EYA3: variants seen among roughly 807,000 people sequenced by gnomAD.
The protein encoded by EYA3 is protein phosphatase EYA3.
EYA3 carries 39 observed loss-of-function variants against 80.0 expected under a neutral mutation model. The observed-to-expected ratio is 0.49, with a 90% CI of 0.38 to 0.64. The LOEUF (loss-of-function observed/expected upper bound fraction) is 0.64. EYA3 is among the 30% of genes least tolerant of loss of function. The probability of loss-of-function intolerance (pLI) is 0.00; values close to 1 mark genes in which losing one functional copy is unlikely to be tolerated. For synonymous variants in EYA3, 206 were observed against 232.8 expected (o/e 0.88, Z 1.05); for missense variants, 523 against 676.1 (o/e 0.77, Z 2.51).
In EYA3 at chr1:28,013,994, C is replaced by T. The variant is rs1432948526; in HGVS notation, c.586-700G>A. On this transcript the variant is annotated intron_variant, in intron 8 of 17. Coordinates refer to ENST00000373871, the MANE Select transcript of EYA3 (RefSeq NM_001990.4). This position sits in a 1 kb window ranked among gnomAD's most constrained non-coding sequence, Gnocchi z 4.0. Reference sequence around the variant, plus strand: ...ACAAGAATCGCTTGAACCTGGAAAGCGGAGGTTGCAGTGAGCCGAGATTGC... The same window carrying T: ...ACAAGAATCGCTTGAACCTGGAAAGTGGAGGTTGCAGTGAGCCGAGATTGC... Among the ~76,000 whole-genome samples the T allele has an allele frequency of 6.6e-6, 1 of 152,230 alleles. No individual in the cohort carries two copies. Among genetic ancestry groups the T allele is most frequent in the Non-Finnish European group, 1.5e-5 (1 of 68,022 alleles).
rs116237467 is a variant in EYA3, at chr1:27,979,452, G to A, written c.1541-978C>T. On this transcript the variant is annotated intron_variant, in intron 16 of 17. Coordinates refer to ENST00000373871, the MANE Select transcript of EYA3 (RefSeq NM_001990.4). ...ACCAAGATACTGCATCACTGAAATT[G>A]ACCTTGGGAAATGGGTGATTTAAAT... Among the ~76,000 whole-genome samples, 1,066 of 152,242 alleles carry A rather than the reference G, an allele frequency of 7.0e-3. 13 individuals carry two copies. Among genetic ancestry groups the A allele is most frequent in the Non-Finnish European group, 0.01 (714 of 68,018 alleles).
At chr1:28,076,505 G>C (rs2148943304) in intron 1 of EYA3, among the ~76,000 whole-genome samples, 1 of 151,888 alleles carries the variant, frequency 6.6e-6, no homozygotes, top group Middle Eastern at 3.4e-3. Flanking sequence ...GAGGTCAGGA[G>C]TTCAAGACCA....
intron 1 of EYA3, among the ~76,000 whole-genome samples, chr1:28,066,982 C>T (rs1333685058): frequency 6.6e-6 from 1 of 151,866 alleles, no homozygotes; most frequent in African/African-American, 2.4e-5. Flanking sequence ...TCTTAAGATA[C>T]GACTTCATAC....
intron 7 of EYA3, among the ~76,000 whole-genome samples, chr1:28,022,873 CA>C (rs1407792558): frequency 6.6e-5 from 10 of 152,094 alleles, no homozygotes; most frequent in African/African-American, 2.4e-4. Flanking sequence ...CGCACCACTG[CA>C]CTTGGCTAAT....
intron 1 of EYA3, among the ~76,000 whole-genome samples, chr1:28,059,715 ATTT>A (rs1224157714): frequency 5.9e-4 from 67 of 113,610 alleles, no homozygotes; most frequent in African/African-American, 1.9e-3. Context: ...CATTTGTTGG[ATTT>A]TTTTTTTTTT....
intron 2 of EYA3, among the ~76,000 whole-genome samples, chr1:28,050,152 A>G (rs530633406): frequency 2.3e-4 from 35 of 151,134 alleles, no homozygotes; most frequent in Non-Finnish European, 5.2e-4. Flanking sequence ...GTCCTGGAGC[A>G]ACATTTTTAA....
At chr1:28,039,444 T>A (rs1365787806) in intron 4 of EYA3, among the ~76,000 whole-genome samples, 1 of 152,168 alleles carries the variant, frequency 6.6e-6, no homozygotes, top group Non-Finnish European at 1.5e-5. Flanking sequence ...ATTTTTTCTG[T>A]TTTGTAGTGA....
chr1:28,052,014 ATTTTTATTTTTT>A (rs1644269002), intron 2 of EYA3, among the ~76,000 whole-genome samples: 1 of 149,000 alleles, frequency 6.7e-6, no homozygotes, highest in African/African-American at 2.5e-5. Context: ...TTTCTTTTTT[ATTTTTATTTTTT>A]AAGACAGAGG....
chr1:28,087,580 G>T lies in EYA3; in HGVS notation c.-69+944C>A, dbSNP rs144384348. ...AACACAATAAATTCATAAATCTGGG[G>T]CTAATGATCTCTCCACAAATTCTGT... On this transcript the variant is annotated intron_variant, in intron 1 of 17. Coordinates refer to ENST00000373871, the MANE Select transcript of EYA3 (RefSeq NM_001990.4). Among the ~76,000 whole-genome samples the T allele has an allele frequency of 6.9e-3, 1,046 of 152,300 alleles. 5 individuals are homozygous for T. Among genetic ancestry groups the T allele is most frequent in the Non-Finnish European group, 0.01 (713 of 68,034 alleles).
At chr1:28,073,103 T>TTCTCTATATATATATATATATA (rs1447435853) in intron 1 of EYA3, among the ~76,000 whole-genome samples, 4 of 37,760 alleles carry the variant, frequency 1.1e-4, no homozygotes, top group African/African-American at 1.6e-4. Flanking sequence ...GATGAAACTA[T>TTCTCTATATATATATATATATA]TATATATATA....
intron 1 of EYA3, among the ~76,000 whole-genome samples, chr1:28,086,498 T>C (rs1031030513): frequency 1.3e-5 from 2 of 152,228 alleles, no homozygotes; most frequent in African/African-American, 4.8e-5. Flanking sequence ...CCCTAATTTC[T>C]TTATGTTTTG....
At chr1:28,085,421 C>A (rs963192109) in intron 1 of EYA3, among the ~76,000 whole-genome samples, 5 of 152,162 alleles carry the variant, frequency 3.3e-5, no homozygotes, top group Non-Finnish European at 5.9e-5. Context: ...TGCACTACAG[C>A]CTGGCCAACA....
At chr1:28,025,693 GATAACAA>G (rs1295492179) in intron 7 of EYA3, among the ~76,000 whole-genome samples, 3 of 152,212 alleles carry the variant, frequency 2.0e-5, no homozygotes. Flanking sequence ...TGTTCTAACA[GATAACAA>G]ATAAGAATGG....
chr1:28,028,565 G>A (rs1313172048), intron 6 of EYA3, among the ~76,000 whole-genome samples: 2 of 150,756 alleles, frequency 1.3e-5, no homozygotes, highest in East Asian at 3.9e-4. Flanking sequence ...GAGTCACCCA[G>A]ATGATTTCTT....
chr1:28,054,068 G>T (rs116429265), intron 2 of EYA3, among the ~76,000 whole-genome samples: 1 of 152,288 alleles, frequency 6.6e-6, no homozygotes, highest in African/African-American at 2.4e-5. Flanking sequence ...ACAAACAGAA[G>T]GACACTGTTC....
intron 1 of EYA3, among the ~76,000 whole-genome samples, chr1:28,059,778 T>C (rs1010768761): frequency 2.7e-5 from 4 of 146,330 alleles, no homozygotes; most frequent in African/African-American, 1.0e-4. Context: ...TGGAGTGCAG[T>C]GGCGCAATCT....
intron 7 of EYA3, among the ~76,000 whole-genome samples, chr1:28,020,053 C>T (rs1357082355): frequency 4.0e-5 from 6 of 151,788 alleles, no homozygotes; most frequent in Admixed American, 3.9e-4. Context: ...CATATCTGAT[C>T]TCTATGGGGG....
At chr1:28,061,567 T>C (rs1644625710) in intron 1 of EYA3, among the ~76,000 whole-genome samples, 1 of 151,814 alleles carries the variant, frequency 6.6e-6, no homozygotes, top group African/African-American at 2.4e-5. Context: ...TTAGTTTCCT[T>C]GTATTAGTTC....
At chr1:28,024,325 T>G (rs1433924540) in intron 7 of EYA3, among the ~76,000 whole-genome samples, 1 of 151,888 alleles carries the variant, frequency 6.6e-6, no homozygotes, top group Non-Finnish European at 1.5e-5. Flanking sequence ...GATTATTGTG[T>G]GTTACCAATG....
Sources: allele counts gnomAD v4.1 joint callset (sites outside exome capture counted in the v4.1 genomes callset), GRCh38; gene constraint gnomAD v4.1.1; non-coding constraint Gnocchi (gnomAD v3.1); transcripts MANE v1.5; gene names NCBI Gene and HGNC (gene_info 2026-07-23, HGNC 2026-07-21).